The following ZNF354A variants were observed in gnomAD, a reference collection of about 807,000 sequenced individuals.
ZNF354A encodes epididymis luminal protein 104.
ZNF354A carries 25 observed loss-of-function variants against 53.3 expected under a neutral mutation model. That is an observed-to-expected ratio of 0.47 (90% CI 0.34 to 0.66). The LOEUF is 0.66. Among genes scored for constraint, ZNF354A ranks in the 30% least tolerant of loss-of-function variants. ZNF354A has a pLI of 0.01. For missense variants in ZNF354A, 586 were observed against 716.8 expected, an observed-to-expected ratio of 0.82 and a Z score of 2.08; for synonymous variants, 228 against 249.0, an observed-to-expected ratio of 0.92 and a Z score of 0.79.
intron 4 of ZNF354A, among the ~76,000 whole-genome samples, chr5:178,722,961 C>T (rs550153982): frequency 2.6e-5 from 4 of 152,134 alleles, no homozygotes; most frequent in Admixed American, 6.5e-5. Flanking sequence ...AGAACAGTCC[C>T]AGACAGAAAA....
At chr5:178,725,642 C>A (rs564162065) in intron 3 of ZNF354A, among the ~76,000 whole-genome samples, 171 bp from the exon 4 acceptor site, 66 of 152,232 alleles carry the variant, frequency 4.3e-4, no homozygotes, top group Middle Eastern at 6.8e-3. Flanking sequence ...GAGGAAAAGA[C>A]AAGTGACTTG....
intron 4 of ZNF354A, 143 bp downstream of exon 4, chr5:178,725,233 G>A (rs928969863): frequency 6.2e-6 from 5 of 803,726 alleles, no homozygotes; most frequent in Non-Finnish European, 8.6e-6. Flanking sequence ...AGTGAATCCT[G>A]CCTAAGAGCC....
At chr5:178,723,761 C>T (rs1446711541) in intron 4 of ZNF354A, among the ~76,000 whole-genome samples, 2 of 152,016 alleles carry the variant, frequency 1.3e-5, no homozygotes, top group Non-Finnish European at 2.9e-5. Context: ...AAGCTGTGGG[C>T]GAGGGTTCAA....
Position 178,730,601 on chromosome 5 carries a change from G to A in ZNF354A, c.-97C>T, listed in dbSNP as rs965081987. On this transcript the variant is annotated 5_prime_UTR_variant, in exon 1 of 5. Transcript: ENST00000335815. ...CGGGCCGCGCCTCCCCAGCCGCGAG[G>A]CTCCGGAACCGCCGGCCGGGATGCA... 4 of 151,906 alleles carry A rather than the reference G, an allele frequency of 2.6e-5. No homozygotes were observed. Among genetic ancestry groups the A allele is most frequent in the African/African-American group, 9.7e-5 (4 of 41,410 alleles). 9.4% of individuals were successfully genotyped at this position (151,906 alleles called of 1,614,324 possible).
chr5:178,728,690 G>C (rs1418340204), intron 2 of ZNF354A, among the ~76,000 whole-genome samples: 1 of 150,756 alleles, frequency 6.6e-6, no homozygotes, highest in Non-Finnish European at 1.5e-5. Flanking sequence ...CCAGCTACTT[G>C]GGAGGCTGAG....
At chr5:178,729,975 T>C (rs901585010) in intron 1 of ZNF354A, among the ~76,000 whole-genome samples, 1 of 152,010 alleles carries the variant, frequency 6.6e-6, no homozygotes, top group African/African-American at 2.4e-5. Flanking sequence ...GCCATTCTCC[T>C]GCCTCGGCCT....
chr5:178,711,983 C>A lies in ZNF354A; in HGVS notation c.*77G>T. The stretch of plus-strand genomic sequence containing the variant: ...ATTACAGTTTTTTTCACATCCATTA[C>A]ATTTATTACATCTCTCTCAAGGATG... On this transcript the variant is annotated 3_prime_UTR_variant, in exon 5 of 5. Coordinates refer to ENST00000335815, the MANE Select transcript of ZNF354A (RefSeq NM_005649.3). 1.3e-6 allele frequency: 2 copies of A among 1,486,316 alleles called. No individual in the cohort carries two copies. The highest frequency in any genetic ancestry group is 1.8e-6 in the Non-Finnish European group (2 of 1,114,492). 92.1% of individuals were successfully genotyped at this position (1,486,316 alleles called of 1,614,324 possible).
intron 2 of ZNF354A, among the ~76,000 whole-genome samples, chr5:178,728,530 C>T (rs1765955988): frequency 6.6e-6 from 1 of 151,928 alleles, no homozygotes; most frequent in African/African-American, 2.4e-5. Context: ...TGGCGCACAT[C>T]TGTAATCCCA....
chr5:178,722,578 G>T (rs766388267), intron 4 of ZNF354A, among the ~76,000 whole-genome samples: 1 of 152,182 alleles, frequency 6.6e-6, no homozygotes, highest in Non-Finnish European at 1.5e-5. Flanking sequence ...CCTGCTGGCT[G>T]TATCTCCTGG....
intron 4 of ZNF354A, among the ~76,000 whole-genome samples, chr5:178,723,111 C>T (rs528337106): frequency 5.9e-5 from 9 of 152,150 alleles, no homozygotes; most frequent in Non-Finnish European, 1.3e-4. Flanking sequence ...GGCCAGACCA[C>T]GTAGTGTATT....
At position 178,713,400 on chromosome 5, in the gene ZNF354A, T is replaced by C. The variant is rs1765658176; in HGVS notation, c.478A>G (p.Lys160Glu). ...KKIPTIERSH[K>E]NTELSQNFSP... ...AAGTTTTGGCTCAATTCAGTATTTTTATGGCTTCTTTCTATAGTGGGGATT... is the reference window on the plus strand; with the variant it reads ...AAGTTTTGGCTCAATTCAGTATTTTCATGGCTTCTTTCTATAGTGGGGATT... The change falls in exon 5 of 5, where the codon AAA becomes GAA. Residue 160 changes from lysine to glutamate, a missense_variant. Physicochemically the swap from Lys to Glu is moderately conservative, Grantham distance 56. This residue lies in a region of ZNF354A where 573 missense variants were observed against 680.1 expected (regional missense o/e 0.84). Transcript: ENST00000335815. The C allele has an allele frequency of 6.2e-7, 1 of 1,613,772 alleles. No individual in the cohort carries two copies. The highest frequency in any genetic ancestry group is 1.1e-5 in the South Asian group (1 of 91,034).
intron 4 of ZNF354A, 38 bp downstream of exon 4, chr5:178,725,338 T>G (rs1765884414): frequency 6.3e-7 from 1 of 1,592,180 alleles, no homozygotes; most frequent in East Asian, 2.2e-5. Flanking sequence ...ACCAGACCAT[T>G]GTCTGCGGCC....
At chr5:178,728,234 T>C (rs1249121982) in intron 2 of ZNF354A, among the ~76,000 whole-genome samples, 1 of 152,236 alleles carries the variant, frequency 6.6e-6, no homozygotes, top group African/African-American at 2.4e-5. Context: ...CATTCTTAAC[T>C]ACTCTGTAAA....
In ZNF354A at chr5:178,729,061, C is replaced by A; in HGVS notation, c.-39G>T. 1 of 1,048,988 alleles carries A rather than the reference C, an allele frequency of 9.5e-7. No individual in the cohort carries two copies. The highest frequency in any genetic ancestry group is 1.4e-6 in the Non-Finnish European group (1 of 709,618). 65.0% of individuals were successfully genotyped at this position (1,048,988 alleles called of 1,614,324 possible). A position where few individuals can be genotyped will look rare whatever the true frequency, so the allele number is the denominator to read the frequency against. ...CTCTCCCGGGAGGACGGCGCAGTCT[C>A]CAGAAGGCAGATCTGAGAAGAAAAA... On this transcript the variant is annotated 5_prime_UTR_variant, in exon 2 of 5. Coordinates refer to ENST00000335815, the MANE Select transcript of ZNF354A (RefSeq NM_005649.3).
chr5:178,713,716 T>C, intron 4 of ZNF354A, 95 bp from the exon 5 acceptor site: 1 of 1,398,688 alleles, frequency 7.1e-7, no homozygotes, highest in South Asian at 1.6e-5. Flanking sequence ...ATTGGTGACA[T>C]TTAAATAAGA....
chr5:178,721,824 A>G (rs1461875412), intron 4 of ZNF354A, among the ~76,000 whole-genome samples: 2 of 152,210 alleles, frequency 1.3e-5, no homozygotes, highest in African/African-American at 2.4e-5. Flanking sequence ...CTCAAAGTCA[A>G]CACACCTAAA....
chr5:178,729,591 G>T (rs4533908), intron 1 of ZNF354A, among the ~76,000 whole-genome samples: 36,275 of 151,038 alleles, frequency 0.24, 5,079 homozygotes, highest in South Asian at 0.34. Flanking sequence ...CGCTCTGTTG[G>T]CCAGACTGGA....
intron 3 of ZNF354A, 54 bp downstream of exon 3, chr5:178,726,945 G>T (rs1765920088): frequency 5.1e-6 from 8 of 1,569,298 alleles, no homozygotes; most frequent in Non-Finnish European, 6.9e-6. Context: ...AGGGAAGGAG[G>T]TGCTGAGATA....
intron 4 of ZNF354A, among the ~76,000 whole-genome samples, chr5:178,720,891 A>G (rs1267642329): frequency 6.6e-6 from 1 of 152,240 alleles, no homozygotes; most frequent in Non-Finnish European, 1.5e-5. Context: ...AACTGCTGCA[A>G]TGTAAAGGCA....
Sources: allele counts gnomAD v4.1 joint callset (sites outside exome capture counted in the v4.1 genomes callset), GRCh38; gene constraint gnomAD v4.1.1; regional missense constraint gnomAD v4.1.1; transcripts MANE v1.5; gene names NCBI Gene and HGNC (gene_info 2026-07-23, HGNC 2026-07-21).